FAF1: variants seen among roughly 807,000 people sequenced by gnomAD.
The protein encoded by FAF1 is FAS-associated factor 1.
Under a neutral mutation model 92.5 loss-of-function variants are expected in FAF1, and 25 were observed. The ratio of observed to expected loss-of-function variants is 0.27; its 90% CI spans 0.20 to 0.38. The LOEUF (loss-of-function observed/expected upper bound fraction) is 0.38, where lower values mean the gene tolerates loss of function less well. Among genes scored for constraint, FAF1 ranks in the 10% least tolerant of loss-of-function variants. The pLI is 1.00. For missense variants in FAF1, 636 were observed against 793.3 expected (o/e 0.80, Z 2.38); for synonymous variants, 234 against 273.2 (o/e 0.86, Z 1.42).
At chr1:50,573,817 CAAAAAAAA>C (rs199900774) in intron 12 of FAF1, among the ~76,000 whole-genome samples, 5 of 131,998 alleles carry the variant, frequency 3.8e-5, no homozygotes, top group African/African-American at 1.3e-4. Context: ...GGGTTAAAAA[CAAAAAAAA>C]AAAAAACAAA....
chr1:50,707,305 T>A (rs1190138038), intron 6 of FAF1, among the ~76,000 whole-genome samples: 3 of 151,818 alleles, frequency 2.0e-5, no homozygotes, highest in Non-Finnish European at 4.4e-5. Context: ...AGCACCAATA[T>A]ATGTAACATG....
intron 1 of FAF1, among the ~76,000 whole-genome samples, chr1:50,942,041 C>T (rs1557598142): frequency 2.0e-5 from 3 of 152,160 alleles, no homozygotes; most frequent in South Asian, 4.1e-4. Flanking sequence ...GAGTTCCAAT[C>T]CCACCCTTGT....
chr1:50,714,376 G>A (rs1189950573), intron 6 of FAF1, among the ~76,000 whole-genome samples: 2 of 151,534 alleles, frequency 1.3e-5, no homozygotes, highest in African/African-American at 4.8e-5. Context: ...AGCTAGGTGT[G>A]GTGGCGGCCG....
chr1:50,514,741 T>C (rs1313315801), intron 15 of FAF1, among the ~76,000 whole-genome samples: 7 of 152,176 alleles, frequency 4.6e-5, no homozygotes, highest in Non-Finnish European at 1.0e-4. Flanking sequence ...GCTAAAAAGC[T>C]GGATTTAGGA....
chr1:50,805,017 G>A (rs1163362332), intron 2 of FAF1, among the ~76,000 whole-genome samples: 1 of 152,104 alleles, frequency 6.6e-6, no homozygotes, highest in East Asian at 1.9e-4. Context: ...TATATCACTT[G>A]CTAAATACTA....
At chr1:50,578,956 A>C (rs1650873898) in intron 12 of FAF1, among the ~76,000 whole-genome samples, 1 of 152,182 alleles carries the variant, frequency 6.6e-6, no homozygotes, top group Non-Finnish European at 1.5e-5. Context: ...GAAAGAAGAA[A>C]GCCCTGGACA....
chr1:50,759,412 T>C (rs1288533594), intron 4 of FAF1, among the ~76,000 whole-genome samples: 2 of 151,490 alleles, frequency 1.3e-5, no homozygotes, highest in Admixed American at 1.3e-4. Flanking sequence ...TTTGGTTTTT[T>C]GTTCTTGTGA....
At chr1:50,919,009 A>G (rs1231743703) in intron 1 of FAF1, among the ~76,000 whole-genome samples, 1 of 152,216 alleles carries the variant, frequency 6.6e-6, no homozygotes, top group Non-Finnish European at 1.5e-5. Flanking sequence ...TTTTAATTAT[A>G]AGGAACAAAA....
At chr1:50,874,316 G>T (rs1315191195) in intron 1 of FAF1, among the ~76,000 whole-genome samples, 1 of 151,828 alleles carries the variant, frequency 6.6e-6, no homozygotes, top group Non-Finnish European at 1.5e-5. Context: ...CCCATACCCT[G>T]GTATACCCTC....
intron 1 of FAF1, among the ~76,000 whole-genome samples, chr1:50,915,849 CCA>C (rs778106007): frequency 2.0e-4 from 30 of 152,250 alleles, no homozygotes; most frequent in Admixed American, 2.6e-4. Context: ...AAGGTGAGAT[CCA>C]CAGTCCCTAT....
intron 2 of FAF1, among the ~76,000 whole-genome samples, chr1:50,812,742 A>C (rs1280900966): frequency 6.6e-6 from 1 of 152,194 alleles, no homozygotes; most frequent in Non-Finnish European, 1.5e-5. Flanking sequence ...AAGGCATATA[A>C]ATTGTTCTAC....
At position 50,816,118 on chromosome 1, in the gene FAF1, A is replaced by AT. The variant is rs575292768; in HGVS notation, c.115-14442dup. Among the ~76,000 whole-genome samples the AT allele has an allele frequency of 2.6e-3, 371 of 142,796 alleles. 2 individuals carry two copies. Among genetic ancestry groups the AT allele is most frequent in the African/African-American group, 8.8e-3 (338 of 38,488 alleles). The allele number at this position is 142,796 out of a possible 152,430, so 93.7% of individuals were successfully genotyped here. The stretch of plus-strand genomic sequence containing the variant: ...ATTTGCATTTCTCTGAATATTAGTG[A>AT]TTTTTTTTTCATGTTGTTGGCCATT... On this transcript the variant is annotated intron_variant, in intron 2 of 18. Transcript: ENST00000396153.
At chr1:50,632,780 T>C (rs964281127) in intron 8 of FAF1, among the ~76,000 whole-genome samples, 3 of 152,182 alleles carry the variant, frequency 2.0e-5, no homozygotes, top group African/African-American at 7.2e-5. Context: ...GTTTGTGGTG[T>C]TCTTCTTCTT....
intron 8 of FAF1, among the ~76,000 whole-genome samples, chr1:50,604,729 CTCA>C (rs915976186): frequency 7.3e-4 from 111 of 152,166 alleles, no homozygotes; most frequent in African/African-American, 2.6e-3. Flanking sequence ...GAGATGGAGT[CTCA>C]TCATGTTGCC....
chr1:50,731,189 G>A (rs758025880), intron 6 of FAF1, among the ~76,000 whole-genome samples: 6 of 152,076 alleles, frequency 3.9e-5, no homozygotes, highest in Non-Finnish European at 7.4e-5. Context: ...GTCACAGGTT[G>A]GACAACTAGG....
chr1:50,482,034 T>G (rs1251558815), intron 17 of FAF1, among the ~76,000 whole-genome samples: 2 of 152,170 alleles, frequency 1.3e-5, no homozygotes, highest in Non-Finnish European at 2.9e-5. Context: ...TACAGCAAAC[T>G]CTATCCTTTT....
chr1:50,570,259 A>G (rs1650371505), intron 12 of FAF1, among the ~76,000 whole-genome samples: 1 of 152,226 alleles, frequency 6.6e-6, no homozygotes, highest in Non-Finnish European at 1.5e-5. Flanking sequence ...AAAAAGAAAT[A>G]AAAATTCTTT....
intron 8 of FAF1, among the ~76,000 whole-genome samples, chr1:50,622,992 C>A (rs1653282906): frequency 6.6e-6 from 1 of 152,130 alleles, no homozygotes; most frequent in Non-Finnish European, 1.5e-5. Flanking sequence ...TAATCCCATA[C>A]TGTACCCTAG....
At chr1:50,898,855 G>C (rs950896696) in intron 1 of FAF1, among the ~76,000 whole-genome samples, 3 of 151,998 alleles carry the variant, frequency 2.0e-5, no homozygotes, top group Non-Finnish European at 4.4e-5. Context: ...CCTGTGTTTG[G>C]GGTTCAATGA....
Sources: gnomAD v4.1 joint callset for allele counts (sites outside exome capture counted in the v4.1 genomes callset) on GRCh38, gnomAD v4.1.1 for gene constraint, MANE v1.5 for transcripts, NCBI Gene and HGNC (gene_info 2026-07-23, HGNC 2026-07-21) for gene names.